The following SERINC4 variants were observed in gnomAD, a reference collection of about 807,000 sequenced individuals.
SERINC4 encodes serine incorporator 4.
A neutral mutation model predicts 52.0 loss-of-function variants in SERINC4; 52 were observed. The observed-to-expected ratio is 1.00, with a 90% CI of 0.80 to 1.26. The LOEUF (loss-of-function observed/expected upper bound fraction) is 1.26. Ranked by LOEUF, SERINC4 falls within the 50% of genes most tolerant of loss-of-function variation. The probability of loss-of-function intolerance (pLI) is 0.00; values close to 1 mark genes in which losing one functional copy is unlikely to be tolerated. For missense variants in SERINC4, 723 were observed against 632.8 expected, an observed-to-expected ratio of 1.14 and a Z score of -1.53; for synonymous variants, 264 against 247.7, an observed-to-expected ratio of 1.07 and a Z score of -0.62.
In SERINC4 at chr15:43,800,069, C is replaced by T; in HGVS notation, c.-83G>A. ...TTGCTTCTGTCCTCAGCCCATTGGA[C>T]TGCCACTGTGTTGGGGCTGAGCACC... On this transcript the variant is annotated 5_prime_UTR_variant, in exon 1 of 12. Transcript: ENST00000319327. 9.3e-7 allele frequency: 1 copy of T among 1,071,684 alleles called. No individual in the cohort carries two copies. Among genetic ancestry groups the T allele is most frequent in the Non-Finnish European group, 1.3e-6 (1 of 763,884 alleles). The allele number at this position is 1,071,684 out of a possible 1,614,324, so 66.4% of individuals were successfully genotyped here.
Position 43,797,295 on chromosome 15 carries a change from A to G in SERINC4, c.694T>C (p.Phe232Leu). 2 of 1,549,730 alleles carry G rather than the reference A, an allele frequency of 1.3e-6. No individual in the cohort carries two copies. Among genetic ancestry groups the G allele is most frequent in the Non-Finnish European group, 1.7e-6 (2 of 1,146,952 alleles). ...GCTCCCACACCTGCCATGCTGTAGAATCCTAGGGTGGCCAGCAGGACAGCC... is the reference window on the plus strand; with the variant it reads ...GCTCCCACACCTGCCATGCTGTAGAGTCCTAGGGTGGCCAGCAGGACAGCC... ...FLAVLLATLG[F>L]YSMAGVGAVL... Residue 232 changes from phenylalanine (F) to leucine (L), a missense_variant, in exon 6 of 12, where the codon TTC becomes CTC. Transcript: ENST00000319327.
chr15:43,798,345 G>T, intron 4 of SERINC4, 80 bp downstream of exon 4: 1 of 1,095,516 alleles, frequency 9.1e-7, no homozygotes, highest in Non-Finnish European at 1.4e-6. Context: ...CACTGCACCC[G>T]GCCATTACTC....
chr15:43,798,190 C>T lies in SERINC4; in HGVS notation c.539-177G>A, dbSNP rs559268475. 1.3e-4 allele frequency: 80 copies of T among 614,748 alleles called. 1 individual carries two copies. In the South Asian group the frequency reaches 1.5e-3, roughly 12 times the overall value. 38.1% of individuals were successfully genotyped at this position (614,748 alleles called of 1,614,324 possible). ...TCCACCTCCTGAGCAGCTGGGATTA[C>T]AGGTGCGTGCCACCATGCCCGGCTA... On this transcript the variant is annotated intron_variant, in intron 4 of 11. Coordinates refer to ENST00000319327, the MANE Select transcript of SERINC4 (RefSeq NM_001258031.2).
In SERINC4 at chr15:43,797,334, A is replaced by C; in HGVS notation, c.655T>G (p.Cys219Gly). 1 of 1,548,542 alleles carries C rather than the reference A, an allele frequency of 6.5e-7. No homozygotes were observed. Among genetic ancestry groups the C allele is most frequent in the Non-Finnish European group, 8.7e-7 (1 of 1,146,842 alleles). ...AGCAGGACAGCCAGGAACCAGCTAC[A>C]GTCTTGAGCTGCACCTGTCTGCCTA... ...KNWQTGAAQD[C>G]SWFLAVLLAT... is the part of the protein sequence containing the mutation. Residue 219 changes from cysteine to glycine, a missense_variant, in exon 6 of 12, where the codon TGT (cysteine) becomes GGT (glycine). Transcript: ENST00000319327.
rs140048611 is a variant in SERINC4 at position 43,796,673 on chromosome 15, T to C, written c.1010A>G (p.Asp337Gly). 2.5e-6 allele frequency: 4 copies of C among 1,614,026 alleles called. No homozygotes were observed. The highest frequency in any genetic ancestry group is 2.2e-5 in the East Asian group (1 of 44,886). ...GLSKMEPQTP[D>G]ISLAMLSASI... is the part of the protein sequence containing the mutation. Reference sequence around the variant, plus strand: ...AGCACTCAGCATTGCTAGAGAGATATCTGGTGTTTGGGGTTCCATTTTACT... The same window carrying C: ...AGCACTCAGCATTGCTAGAGAGATACCTGGTGTTTGGGGTTCCATTTTACT... The change falls in exon 8 of 12, where the codon GAT becomes GGT. Residue 337 changes from aspartate to glycine, a missense_variant. Asp to Gly is a moderately conservative substitution (Grantham distance 94, BLOSUM62 -1). Transcript: ENST00000319327.
In SERINC4 at chr15:43,795,035, T is replaced by TGCGGTG. The variant is rs777667165; in HGVS notation, c.1516_1521dup (p.His506_Arg507dup). 2 of 1,610,868 alleles carry TGCGGTG rather than the reference T, an allele frequency of 1.2e-6. No individual in the cohort carries two copies. The highest frequency in any genetic ancestry group is 1.7e-6 in the Non-Finnish European group (2 of 1,179,154). ...GGATATTTGTTATCTGGGGATATGA[T>TGCGGTG]GCGGTGGCGGCGGCGCCTCAAGATA... On this transcript the variant is annotated inframe_insertion, in exon 12 of 12. Coordinates refer to ENST00000319327, the MANE Select transcript of SERINC4 (RefSeq NM_001258031.2).
chr15:43,799,016 G>A lies in SERINC4; in HGVS notation c.401C>T (p.Ala134Val). 1 of 1,550,504 alleles carries A rather than the reference G, an allele frequency of 6.4e-7. No individual in the cohort carries two copies. Among genetic ancestry groups the A allele is most frequent in the South Asian group, 1.2e-5 (1 of 84,054 alleles). ...GGAGTGGAGGTGGACCAGCAACACA[G>A]CCTGCAGCAGGTGGAAGGTGGCGGT... ...AGTATFHLLQ[A>V]VLLVHLHSPT... The change falls in exon 3 of 12, where the codon GCT (alanine) becomes GTT (valine). Residue 134 changes from alanine (A) to valine (V), a missense_variant. By Grantham distance (64) the Ala-to-Val change is moderately conservative. Coordinates refer to ENST00000319327, the MANE Select transcript of SERINC4 (RefSeq NM_001258031.2).
In SERINC4 at chr15:43,799,310, CCT is replaced by C. The variant is rs2141696185; in HGVS notation, c.277_278del (p.Arg93AspfsTer16). The part of the protein sequence containing the change: ...VVERVWGKTH[R>X]IQMPSGLCAH... ...GACAACCCGACCCCCTCTCACTTAC[CCT>C]GTGTGTCTTGCCCCACACCCTTTCC... is the stretch of plus-strand genomic sequence containing the variant. On this transcript the variant is annotated frameshift_variant and splice_region_variant, in exon 2 of 12. Coordinates refer to ENST00000319327, the MANE Select transcript of SERINC4 (RefSeq NM_001258031.2). LOFTEE classifies it high-confidence loss of function. The C allele has an allele frequency of 1.3e-6, 2 of 1,550,360 alleles. No homozygotes were observed. The highest frequency in any genetic ancestry group is 2.4e-5 in the East Asian group (1 of 40,924).
chr15:43,799,068 C>CA lies in SERINC4; in HGVS notation c.348dup (p.Gly117TrpfsTer36). On this transcript the variant is annotated frameshift_variant, in exon 3 of 12. Coordinates refer to ENST00000319327, the MANE Select transcript of SERINC4 (RefSeq NM_001258031.2). LOFTEE classifies it high-confidence loss of function. ...CCTGCACATACTCGGTACACAGCCC[C>CA]AGAGCCACTGAGCACTGGACAGTCA... 1 of 1,550,498 alleles carries CA rather than the reference C, an allele frequency of 6.4e-7. No homozygotes were observed.
At chr15:43,796,441 C>T in intron 8 of SERINC4, 175 bp downstream of exon 8, 1 of 774,390 alleles carries the variant, frequency 1.3e-6, no homozygotes, top group Non-Finnish European at 2.1e-6. Context: ...CCCTTCATCT[C>T]ATACAGATCA....
rs1191850890 is a variant in SERINC4 at position 43,796,242 on chromosome 15, A to C, written c.1068-15T>G. ...AGGCCTCATTGCTGAGAAAGAATAG[A>C]GTTCTTAAGCTGGTTTAGTTAAATA... On this transcript the variant is annotated splice_polypyrimidine_tract_variant and intron_variant, in intron 8 of 11. Coordinates refer to ENST00000319327, the MANE Select transcript of SERINC4 (RefSeq NM_001258031.2). 1.2e-6 allele frequency: 2 copies of C among 1,604,946 alleles called. No individual in the cohort carries two copies.
Position 43,796,861 on chromosome 15 carries a change from G to A in SERINC4, c.924C>T (p.Ser308=). Residue 308 remains serine (S), a synonymous_variant, in exon 7 of 12, where the codon AGC becomes AGT. Transcript: ENST00000319327. The part of the protein sequence containing the change: ...IMYLTFSALS[S]RPPERVILQG... ...GTCCCTTACCTCTCTCTGGAGGACG[G>A]CTGGACAGTGCAGAGAAAGTCAGAT... 1 of 1,614,000 alleles carries A rather than the reference G, an allele frequency of 6.2e-7. No individual in the cohort carries two copies. The highest frequency in any genetic ancestry group is 8.5e-7 in the Non-Finnish European group (1 of 1,179,886).
Position 43,798,479 on chromosome 15 carries a change from G to A in SERINC4, c.484C>T (p.Leu162=). Reference sequence around the variant, plus strand: ...AAGGCAATAGCACAGAGACCTAACAGGAACAGCAGCTTGAGGAGCCAGAAG... The same window carrying A: ...AAGGCAATAGCACAGAGACCTAACAAGAACAGCAGCTTGAGGAGCCAGAAG... ...NSFWLLKLLF[L]LGLCAIAFCI... Residue 162 remains leucine (L), a synonymous_variant, in exon 4 of 12, where the codon CTG becomes TTG. Transcript: ENST00000319327. 1 of 1,613,866 alleles carries A rather than the reference G, an allele frequency of 6.2e-7. No homozygotes were observed. The highest frequency in any genetic ancestry group is 8.5e-7 in the Non-Finnish European group (1 of 1,179,770).
Position 43,794,709 on chromosome 15 carries a change from A to G in SERINC4, c.*291T>C. ...CCACTTCCAGCCCAAGAGCCAGGAA[A>G]GGGCTGGTGCCACACTGTCTGCTGG... On this transcript the variant is annotated 3_prime_UTR_variant, in exon 12 of 12. Transcript: ENST00000319327. The G allele has an allele frequency of 3.1e-6, 1 of 317,734 alleles. No homozygotes were observed. 19.7% of individuals were successfully genotyped at this position (317,734 alleles called of 1,614,324 possible).
At chr15:43,795,826 TATTAAAAA>T in intron 9 of SERINC4, 90 bp from the exon 10 acceptor site, 1 of 1,376,360 alleles carries the variant, frequency 7.3e-7, no homozygotes, top group Admixed American at 2.1e-5. Flanking sequence ...ATTGGTCTAG[TATTAAAAA>T]GTGGAGGCAC....
rs748562495 is a variant in SERINC4, at chr15:43,796,880, G to A, written c.905C>T (p.Thr302Ile). ...AGGACGGCTGGACAGTGCAGAGAAAGTCAGATACATGATATAGCAGCTGAT... is the reference window on the plus strand; with the variant it reads ...AGGACGGCTGGACAGTGCAGAGAAAATCAGATACATGATATAGCAGCTGAT... Reference protein sequence around the residue: ...SVISCYIMYLTFSALSSRPPE... With the variant: ...SVISCYIMYLIFSALSSRPPE... The change falls in exon 7 of 12, where the codon ACT becomes ATT. Residue 302 changes from threonine to isoleucine, a missense_variant. Transcript: ENST00000319327. 5 of 1,614,010 alleles carry A rather than the reference G, an allele frequency of 3.1e-6. No homozygotes were observed. In the African/African-American group the frequency reaches 6.7e-5, roughly 22 times the overall value.
At position 43,794,589 on chromosome 15, in the gene SERINC4, GCTT is replaced by G. The variant is rs1394248308; in HGVS notation, c.*408_*410del. On this transcript the variant is annotated 3_prime_UTR_variant, in exon 12 of 12. Transcript: ENST00000319327. ...GCCCTGGTTTGTTCTGTGGTTCTGGGCTTCTTATATCCGTGTGCCCAGGGCTGA... is the reference window on the plus strand; with the variant it reads ...GCCCTGGTTTGTTCTGTGGTTCTGGGCTTATATCCGTGTGCCCAGGGCTGA... 1.7e-5 allele frequency: 3 copies of G among 173,104 alleles called. No homozygotes were observed. The highest frequency in any genetic ancestry group is 2.5e-5 in the Non-Finnish European group (2 of 79,856). The allele number at this position is 173,104 out of a possible 1,614,324, so 10.7% of individuals were successfully genotyped here.
At chr15:43,795,598 C>T in intron 10 of SERINC4, 57 bp from the exon 11 acceptor site, 1 of 1,611,318 alleles carries the variant, frequency 6.2e-7, no homozygotes, top group African/African-American at 1.3e-5. Context: ...CTTCCCCTCT[C>T]CCCCAACTAC....
At position 43,800,155 on chromosome 15, in the gene SERINC4, G is replaced by C. The variant is rs559545865; in HGVS notation, c.-169C>G. ...CACTGACCTCCAGGTTGCGGTAAATGCAAATGCCCTGTGAAGGAGCTTTGT... is the reference window on the plus strand; with the variant it reads ...CACTGACCTCCAGGTTGCGGTAAATCCAAATGCCCTGTGAAGGAGCTTTGT... On this transcript the variant is annotated 5_prime_UTR_variant, in exon 1 of 12. Transcript: ENST00000319327. 3 of 598,960 alleles carry C rather than the reference G, an allele frequency of 5.0e-6. No homozygotes were observed. The highest frequency in any genetic ancestry group is 8.8e-6 in the Non-Finnish European group (3 of 341,500). The allele number at this position is 598,960 out of a possible 1,614,324, so 37.1% of individuals were successfully genotyped here. A position where few individuals can be genotyped will look rare whatever the true frequency, so the allele number is the denominator to read the frequency against.
Sources: allele counts gnomAD v4.1 joint callset, GRCh38; gene constraint gnomAD v4.1.1; transcripts MANE v1.5; gene names NCBI Gene and HGNC (gene_info 2026-07-23, HGNC 2026-07-21).